Variants in FAR2 observed in about 807,000 individuals in gnomAD.
The protein encoded by FAR2 is fatty acyl-CoA reductase 2, also known as epididymis secretory protein Li 81.
In FAR2, 19 loss-of-function variants were observed where a neutral mutation model predicts 56.0. The observed-to-expected ratio is 0.34, with a 90% CI of 0.24 to 0.50. The LOEUF (loss-of-function observed/expected upper bound fraction) is 0.50. FAR2 is among the 20% of genes least tolerant of loss of function. The pLI, the probability that FAR2 is intolerant of heterozygous loss-of-function variation, is 0.98. For synonymous variants in FAR2, 219 were observed against 218.8 expected (o/e 1.00, Z -0.01); for missense variants, 508 against 642.2 (o/e 0.79, Z 2.26).
At chr12:29,298,181 CTCT>C (rs963499464) in intron 4 of FAR2, among the ~76,000 whole-genome samples, 4 of 151,972 alleles carry the variant, frequency 2.6e-5, no homozygotes, top group African/African-American at 9.6e-5. Flanking sequence ...TAGGATTTTT[CTCT>C]TCTTGCCAAT....
intron 1 of FAR2, among the ~76,000 whole-genome samples, chr12:29,231,943 T>A (rs1947866071): frequency 6.6e-6 from 1 of 152,174 alleles, no homozygotes; most frequent in Admixed American, 6.6e-5. Flanking sequence ...TAGATGCACA[T>A]CCCGAAACTT....
At chr12:29,319,516 T>TATTA (rs1333555996) in intron 9 of FAR2, among the ~76,000 whole-genome samples, 1 of 152,228 alleles carries the variant, frequency 6.6e-6, no homozygotes, top group Admixed American at 6.5e-5. Flanking sequence ...GGGTTGTCCT[T>TATTA]ATTAATGTAT....
At chr12:29,226,567 G>A (rs1307694685) in intron 1 of FAR2, among the ~76,000 whole-genome samples, 1 of 152,096 alleles carries the variant, frequency 6.6e-6, no homozygotes, top group Non-Finnish European at 1.5e-5. Context: ...TTTTTATGGT[G>A]GTGAATCACT....
chr12:29,154,996 C>T (rs1054340546), intron 1 of FAR2, among the ~76,000 whole-genome samples: 13 of 152,136 alleles, frequency 8.5e-5, no homozygotes, highest in East Asian at 1.9e-4. Context: ...TGGTGGAAAG[C>T]GGGAGACTGG....
chr12:29,321,872 G>A lies in FAR2; in HGVS notation c.1205G>A (p.Ser402Asn), dbSNP rs1206235502. The stretch of plus-strand genomic sequence containing the variant: ...TTCATCAACCGGAGTTGGGAATGGA[G>A]CACGTACAATACAGAAATGCTGATG... Reference protein sequence around the residue: ...EYFINRSWEWSTYNTEMLMSE... With the variant: ...EYFINRSWEWNTYNTEMLMSE... Residue 402 changes from serine (S) to asparagine (N), a missense_variant, in exon 10 of 12, where the codon AGC becomes AAC. Physicochemically the swap from Ser to Asn is conservative, Grantham distance 46. Transcript: ENST00000536681. 3 of 1,613,804 alleles carry A rather than the reference G, an allele frequency of 1.9e-6. No individual in the cohort carries two copies. In the South Asian group the frequency reaches 3.3e-5, roughly 18 times the overall value.
intron 10 of FAR2, among the ~76,000 whole-genome samples, chr12:29,326,992 A>C (rs1949659640): frequency 6.6e-6 from 1 of 152,204 alleles, no homozygotes; most frequent in African/African-American, 2.4e-5. Flanking sequence ...ATGATTGTTT[A>C]TCTAGAAAAC....
chr12:29,266,127 A>G (rs527732890), intron 1 of FAR2, among the ~76,000 whole-genome samples: 1 of 152,058 alleles, frequency 6.6e-6, no homozygotes, highest in Admixed American at 6.6e-5. Context: ...AAAACAAAAA[A>G]TGTAACATAT....
intron 1 of FAR2, among the ~76,000 whole-genome samples, chr12:29,197,509 C>T (rs1950153344): frequency 6.6e-6 from 1 of 152,122 alleles, no homozygotes; most frequent in African/African-American, 2.4e-5. Flanking sequence ...GTATTAATCC[C>T]ATTTCGTTGA....
intron 2 of FAR2, chr12:29,281,200 T>G (rs1948778582): frequency 6.6e-6 from 1 of 152,216 alleles, no homozygotes. Context: ...TTCTATCTCT[T>G]GTCATTGTAG....
At chr12:29,157,446 A>C (rs1231699926) in intron 1 of FAR2, among the ~76,000 whole-genome samples, 1 of 152,014 alleles carries the variant, frequency 6.6e-6, no homozygotes, top group African/African-American at 2.4e-5. Context: ...ATTGAAGCCC[A>C]CACCTGAAGG....
At chr12:29,248,494 C>T (rs1948162200) in intron 1 of FAR2, among the ~76,000 whole-genome samples, 1 of 152,138 alleles carries the variant, frequency 6.6e-6, no homozygotes, top group African/African-American at 2.4e-5. Flanking sequence ...ACATCAAGTA[C>T]TTTACAAGGT....
At chr12:29,329,032 T>C (rs1055481816) in intron 10 of FAR2, among the ~76,000 whole-genome samples, 8 of 152,158 alleles carry the variant, frequency 5.3e-5, no homozygotes, top group African/African-American at 1.7e-4. Context: ...CTAAGCATTA[T>C]CCATGTCAAA....
intron 1 of FAR2, among the ~76,000 whole-genome samples, chr12:29,191,461 G>C (rs767525957): frequency 6.6e-6 from 1 of 152,238 alleles, no homozygotes; most frequent in Middle Eastern, 3.2e-3. Context: ...CATCACCATT[G>C]AGACAGTAAG....
chr12:29,176,988 G>T (rs1949945320), intron 1 of FAR2, among the ~76,000 whole-genome samples: 1 of 152,206 alleles, frequency 6.6e-6, no homozygotes, highest in Non-Finnish European at 1.5e-5. Flanking sequence ...CTGACCTCCT[G>T]TCCATCATCA....
At chr12:29,263,476 T>G (rs1293786434) in intron 1 of FAR2, among the ~76,000 whole-genome samples, 6 of 151,942 alleles carry the variant, frequency 3.9e-5, no homozygotes, top group Non-Finnish European at 8.8e-5. Flanking sequence ...GGAGTAAAAG[T>G]AGAAGTCAAC....
At chr12:29,260,188 G>C (rs888631758) in intron 1 of FAR2, among the ~76,000 whole-genome samples, 2 of 152,136 alleles carry the variant, frequency 1.3e-5, no homozygotes, top group African/African-American at 2.4e-5. Context: ...GCCATTGAAA[G>C]TAATGGCAAA....
chr12:29,263,681 A>G (rs548170711), intron 1 of FAR2, among the ~76,000 whole-genome samples: 76 of 148,986 alleles, frequency 5.1e-4, no homozygotes, highest in Non-Finnish European at 1.0e-3. Context: ...TACATTCCTA[A>G]ACATGTACAA....
At chr12:29,213,109 C>T (rs922274361) in intron 1 of FAR2, among the ~76,000 whole-genome samples, 3 of 151,902 alleles carry the variant, frequency 2.0e-5, no homozygotes, top group Admixed American at 6.6e-5. Flanking sequence ...CAAATTTATC[C>T]CTACAGAATA....
intron 1 of FAR2, among the ~76,000 whole-genome samples, chr12:29,189,783 C>T (rs978775155): frequency 6.6e-6 from 1 of 152,042 alleles, no homozygotes; most frequent in African/African-American, 2.4e-5. Flanking sequence ...AAAACAACAG[C>T]AACAAAAAGG....
Sources: allele counts gnomAD v4.1 joint callset (sites outside exome capture counted in the v4.1 genomes callset), GRCh38; gene constraint gnomAD v4.1.1; transcripts MANE v1.5; gene names NCBI Gene and HGNC (gene_info 2026-07-23, HGNC 2026-07-21).